Variants in KLRG1 observed in about 807,000 individuals in gnomAD.
The protein encoded by KLRG1 is killer cell lectin like receptor G1, also known as killer cell lectin-like receptor subfamily G member 1.
Under a neutral mutation model 21.8 loss-of-function variants are expected in KLRG1, and 16 were observed. The observed-to-expected ratio is 0.73, with a 90% CI of 0.50 to 1.11. The LOEUF (loss-of-function observed/expected upper bound fraction) is 1.11. KLRG1 is among the 50% of genes most tolerant of loss of function. The pLI is 0.00. For missense variants in KLRG1, 173 were observed against 218.3 expected, an observed-to-expected ratio of 0.79 and a Z score of 1.31; for synonymous variants, 69 against 75.9, an observed-to-expected ratio of 0.91 and a Z score of 0.47.
the KLRG1 span, chr12:9,098,807 T>C: frequency 1.3e-5 from 20 of 1,591,736 alleles, no homozygotes; most frequent in Non-Finnish European, 1.7e-5. Flanking sequence ...GGTTTACCCA[T>C]GCATTCACTC....
chr12:9,021,450 G>C, the KLRG1 span, among the ~76,000 whole-genome samples: 2 of 148,572 alleles, frequency 1.3e-5, no homozygotes. Context: ...ACCTAGACTG[G>C]AGTGCAGTGG....
chr12:8,969,231 GAGGGTGC>G (rs1200769775), intron 1 of KLRG1, among the ~76,000 whole-genome samples: 4 of 152,218 alleles, frequency 2.6e-5, no homozygotes, highest in African/African-American at 9.7e-5. Context: ...TGGGAAAGAG[GAGGGTGC>G]AGTGGCTCCT....
the KLRG1 span, chr12:9,196,747 A>T: frequency 7.2e-7 from 1 of 1,394,898 alleles, no homozygotes; most frequent in Non-Finnish European, 1.0e-6. Flanking sequence ...CACTGAATCT[A>T]CTATTCTGTC....
the KLRG1 span, chr12:9,072,534 T>C: frequency 5.0e-6 from 8 of 1,602,842 alleles, no homozygotes; most frequent in Non-Finnish European, 6.8e-6. Context: ...TTCCCAGAAT[T>C]CCTGTCCACG....
chr12:9,113,508 G>A, the KLRG1 span: 2 of 1,613,984 alleles, frequency 1.2e-6, no homozygotes, highest in Admixed American at 1.7e-5. Context: ...AGTGGTCTCA[G>A]TGTGGAGCAG....
upstream of KLRG1, among the ~76,000 whole-genome samples, chr12:8,987,668 C>T (rs752635673): frequency 1.6e-4 from 25 of 152,234 alleles, no homozygotes; most frequent in Admixed American, 7.2e-4. Flanking sequence ...TTTCTTTTTC[C>T]CTCCAAACTT....
the KLRG1 span, among the ~76,000 whole-genome samples, chr12:9,123,679 A>T: frequency 6.6e-6 from 1 of 152,222 alleles, no homozygotes; most frequent in Non-Finnish European, 1.5e-5. Flanking sequence ...GATAAGAGAG[A>T]ACAAATATAC....
At chr12:9,198,690 A>G in the KLRG1 span, among the ~76,000 whole-genome samples, 1 of 152,180 alleles carries the variant, frequency 6.6e-6, no homozygotes. Flanking sequence ...AGAATAATAC[A>G]CAATAATTTT....
chr12:8,962,004 T>C (rs1946389762), intron 1 of KLRG1, among the ~76,000 whole-genome samples: 2 of 152,098 alleles, frequency 1.3e-5, no homozygotes, highest in South Asian at 4.1e-4. Flanking sequence ...GAGAATTGTT[T>C]AAGGCCAGGA....
the KLRG1 span, among the ~76,000 whole-genome samples, chr12:9,142,304 T>C: frequency 6.6e-6 from 1 of 152,196 alleles, no homozygotes; most frequent in African/African-American, 2.4e-5. Context: ...ATATTAATGT[T>C]TCATTTATTA....
chr12:8,969,464 C>G (rs1371554404), intron 1 of KLRG1, among the ~76,000 whole-genome samples: 2 of 151,936 alleles, frequency 1.3e-5, no homozygotes, highest in Non-Finnish European at 2.9e-5. Flanking sequence ...GCAGGCTTCT[C>G]CTTGGCAGTG....
At chr12:9,128,953 C>A in the KLRG1 span, among the ~76,000 whole-genome samples, 1 of 147,094 alleles carries the variant, frequency 6.8e-6, no homozygotes. Context: ...AACCAGACCA[C>A]CAGAGTACTA....
the KLRG1 span, chr12:9,153,126 T>C: frequency 3.7e-6 from 6 of 1,613,832 alleles, no homozygotes; most frequent in African/African-American, 4.0e-5. Context: ...GAGCCCTACC[T>C]GAAGATACAC....
chr12:9,194,560 A>G, the KLRG1 span, among the ~76,000 whole-genome samples: 483 of 145,498 alleles, frequency 3.3e-3, 1 homozygote, highest in Middle Eastern at 0.011. Flanking sequence ...TGCCTCCTGG[A>G]CTCACGCCAT....
At chr12:9,038,635 T>C in the KLRG1 span, among the ~76,000 whole-genome samples, 2 of 151,938 alleles carry the variant, frequency 1.3e-5, no homozygotes, top group African/African-American at 4.8e-5. Flanking sequence ...CAGAGAACAA[T>C]AGTACCAGAG....
At chr12:9,118,269 GT>G in the KLRG1 span, among the ~76,000 whole-genome samples, 1,551 of 152,234 alleles carry the variant, frequency 0.01, 22 homozygotes, top group African/African-American at 0.036. Flanking sequence ...TGACTTCTAT[GT>G]TTTTAACCCA....
chr12:8,964,620 A>G (rs1946434907), intron 1 of KLRG1, among the ~76,000 whole-genome samples: 1 of 150,910 alleles, frequency 6.6e-6, no homozygotes, highest in African/African-American at 2.4e-5. Flanking sequence ...TGATCTGTCT[A>G]ATGTTGACAG....
chr12:8,983,980 A>G (rs1946802020), intron 1 of KLRG1, among the ~76,000 whole-genome samples: 1 of 151,768 alleles, frequency 6.6e-6, no homozygotes, highest in Non-Finnish European at 1.5e-5. Context: ...TACTTTTTCA[A>G]ATTCCTTTCC....
At chr12:9,094,374 T>TAC in the KLRG1 span, among the ~76,000 whole-genome samples, 67 of 139,634 alleles carry the variant, frequency 4.8e-4, no homozygotes, top group African/African-American at 1.5e-3. Context: ...TATATATATA[T>TAC]ACCTATACAT....
Sources: gnomAD v4.1 joint callset for allele counts (sites outside exome capture counted in the v4.1 genomes callset) on GRCh38, gnomAD v4.1.1 for gene constraint, MANE v1.5 for transcripts, NCBI Gene and HGNC (gene_info 2026-07-23, HGNC 2026-07-21) for gene names.